Variants in CTDSP2 observed in about 807,000 individuals in gnomAD.
CTDSP2 encodes the protein CTD small phosphatase 2.
Under a neutral mutation model 31.6 loss-of-function variants are expected in CTDSP2, and 9 were observed. The ratio of observed to expected loss-of-function variants is 0.28; its 90% CI spans 0.17 to 0.50. The LOEUF is 0.50. Among genes scored for constraint, CTDSP2 ranks in the 20% least tolerant of loss-of-function variants. CTDSP2 has a pLI of 0.98. For missense variants in CTDSP2, 267 were observed against 348.5 expected, an observed-to-expected ratio of 0.77 and a Z score of 1.86; for synonymous variants, 134 against 134.5, an observed-to-expected ratio of 1.00 and a Z score of 0.03.
At chr12:57,839,192 C>T (rs1956266071) in intron 1 of CTDSP2, among the ~76,000 whole-genome samples, 1 of 152,210 alleles carries the variant, frequency 6.6e-6, no homozygotes. Flanking sequence ...CACCTATGAC[C>T]AGCCAAGCCG....
chr12:57,835,595 G>A (rs561000977), intron 1 of CTDSP2, among the ~76,000 whole-genome samples: 1 of 152,268 alleles, frequency 6.6e-6, no homozygotes, highest in Admixed American at 6.5e-5. Flanking sequence ...CTCCTCTTCT[G>A]CCCAGATGCA....
chr12:57,844,477 G>C (rs1207364231), intron 1 of CTDSP2, among the ~76,000 whole-genome samples: 1 of 152,146 alleles, frequency 6.6e-6, no homozygotes, highest in Non-Finnish European at 1.5e-5. Flanking sequence ...CCCTGCAAGA[G>C]AGTCCCTGCA....
At chr12:57,844,465 CTCCCTGCAAGAGAG>C (rs1471782127) in intron 1 of CTDSP2, among the ~76,000 whole-genome samples, 4 of 152,170 alleles carry the variant, frequency 2.6e-5, no homozygotes, top group African/African-American at 7.2e-5. Context: ...CCAAGGCACA[CTCCCTGCAAGAGAG>C]TCCCTGCAAG....
chr12:57,825,771 G>A (rs1956179008), intron 5 of CTDSP2, among the ~76,000 whole-genome samples: 1 of 152,216 alleles, frequency 6.6e-6, no homozygotes, highest in East Asian at 1.9e-4. Flanking sequence ...AGAATCCAAT[G>A]GAGGGCCCCA....
chr12:57,827,097 T>C lies in CTDSP2; in HGVS notation c.253A>G (p.Ile85Val), dbSNP rs765716568. Residue 85 changes from isoleucine to valine, a missense_variant and splice_region_variant, in exon 4 of 8, where the codon ATC becomes GTC. Transcript: ENST00000398073. ...TCTGGGAGCAGGCAGGTCCCTGGGA[T>C]CTAAAACCAAGCCAGGTTGCTGAGA... ...LQCLQYQFYQ[I>V]PGTCLLPEVT... The C allele has an allele frequency of 6.8e-6, 11 of 1,611,818 alleles. No individual in the cohort carries two copies. The highest frequency in any genetic ancestry group is 4.5e-5 in the East Asian group (2 of 44,882).
At chr12:57,846,286 C>CA in intron 1 of CTDSP2, 86 bp downstream of exon 1, 1 of 1,318,310 alleles carries the variant, frequency 7.6e-7, no homozygotes, top group East Asian at 2.6e-5. Flanking sequence ...CCCTGGAGGT[C>CA]AAGGGCCGAG....
intron 1 of CTDSP2, among the ~76,000 whole-genome samples, chr12:57,839,889 C>T (rs552033950): frequency 1.9e-4 from 29 of 151,972 alleles, no homozygotes; most frequent in Non-Finnish European, 3.5e-4. Context: ...AAGTGAGATA[C>T]GAGATATAAA....
intron 1 of CTDSP2, among the ~76,000 whole-genome samples, chr12:57,829,854 G>C (rs1187412432): frequency 6.6e-6 from 1 of 152,094 alleles, no homozygotes; most frequent in South Asian, 2.1e-4. Flanking sequence ...TCATTCCATC[G>C]GGGAAGATGG....
intron 1 of CTDSP2, among the ~76,000 whole-genome samples, chr12:57,829,851 A>G (rs1956204512): frequency 6.6e-6 from 1 of 152,206 alleles, no homozygotes; most frequent in Non-Finnish European, 1.5e-5. Flanking sequence ...TTTTCATTCC[A>G]TCGGGGAAGA....
intron 2 of CTDSP2, among the ~76,000 whole-genome samples, chr12:57,828,061 C>T (rs1400873238): frequency 1.3e-5 from 2 of 152,100 alleles, no homozygotes; most frequent in East Asian, 1.9e-4. Flanking sequence ...TTGTAGGTAC[C>T]CAAAATGTGA....
Position 57,823,733 on chromosome 12 carries a change from G to T in CTDSP2, c.691-6C>A, listed in dbSNP as rs747097511. 3.7e-6 allele frequency: 6 copies of T among 1,613,536 alleles called. No homozygotes were observed. The highest frequency in any genetic ancestry group is 1.3e-5 in the African/African-American group (1 of 74,896). On this transcript the variant is annotated splice_region_variant and splice_polypyrimidine_tract_variant and intron_variant, in intron 7 of 7. Transcript: ENST00000398073. ...AACCAGGACTGCACAGGCACCTGGT[G>T]GGGGGAAGATGTGGTGTCAATCTCC...
intron 5 of CTDSP2, chr12:57,824,690 G>A (rs766692740): frequency 3.7e-6 from 2 of 538,916 alleles, no homozygotes; most frequent in South Asian, 1.4e-5. Flanking sequence ...TCCAGCCACA[G>A]CCTCTATGGG....
chr12:57,835,063 G>A (rs1956238923), intron 1 of CTDSP2, among the ~76,000 whole-genome samples: 1 of 151,314 alleles, frequency 6.6e-6, no homozygotes, highest in Non-Finnish European at 1.5e-5. Context: ...CAGAGGTTAT[G>A]GTAAGCTAGA....
chr12:57,827,041 A>C lies in CTDSP2; in HGVS notation c.309T>G (p.Cys103Trp). ...GGGTTTCATCGAGGTCAATGACCAC[A>C]CAGATCCTTCCTTGATCTTCCTCTG... is the stretch of plus-strand genomic sequence containing the variant. ...EVTEEDQGRI[C>W]VVIDLDETLV... The change falls in exon 4 of 8, where the codon TGT (cysteine) becomes TGG (tryptophan). Residue 103 changes from cysteine to tryptophan, a missense_variant. Cys to Trp is a radical substitution (Grantham distance 215). Around this residue, in one of 2 missense-constraint regions of CTDSP2, gnomAD observed 156 missense variants for 241.3 expected, o/e 0.65. Transcript: ENST00000398073. The C allele has an allele frequency of 6.2e-7, 1 of 1,613,966 alleles. No homozygotes were observed.
chr12:57,827,982 G>A (rs1956193504), intron 2 of CTDSP2, among the ~76,000 whole-genome samples: 1 of 152,132 alleles, frequency 6.6e-6, no homozygotes, highest in South Asian at 2.1e-4. Flanking sequence ...TTGAGAACAT[G>A]TTGTTTTCCA....
intron 1 of CTDSP2, among the ~76,000 whole-genome samples, chr12:57,831,662 A>G (rs1005332443): frequency 6.6e-6 from 1 of 152,120 alleles, no homozygotes; most frequent in African/African-American, 2.4e-5. Flanking sequence ...CAATGATTAA[A>G]CCCAAGCCAT....
At chr12:57,846,273 A>G in intron 1 of CTDSP2, 99 bp downstream of exon 1, 1 of 1,131,988 alleles carries the variant, frequency 8.8e-7, no homozygotes, top group African/African-American at 1.6e-5. Context: ...CGCTGGCTCT[A>G]AGCCCTGGAG....
intron 5 of CTDSP2, 181 bp from the exon 6 acceptor site, chr12:57,824,500 C>A: frequency 3.0e-6 from 2 of 665,052 alleles, no homozygotes; most frequent in East Asian, 5.6e-5. Flanking sequence ...ACTGGCTGTA[C>A]CCCTCACCAG....
intron 5 of CTDSP2, among the ~76,000 whole-genome samples, chr12:57,825,487 G>A (rs1426219004): frequency 6.6e-6 from 1 of 152,192 alleles, no homozygotes; most frequent in African/African-American, 2.4e-5. Flanking sequence ...ATATCTGTTT[G>A]AAAATATGCC....
Sources: allele counts gnomAD v4.1 joint callset (sites outside exome capture counted in the v4.1 genomes callset), GRCh38; gene constraint gnomAD v4.1.1; regional missense constraint gnomAD v4.1.1; transcripts MANE v1.5; gene names NCBI Gene and HGNC (gene_info 2026-07-23, HGNC 2026-07-21).